CABLES1: variants seen among roughly 807,000 people sequenced by gnomAD.
The protein encoded by CABLES1 is Cdk5 and Abl enzyme substrate 1, also known as CDK5 and ABL1 enzyme substrate 1.
CABLES1 carries 36 observed loss-of-function variants against 57.8 expected under a neutral mutation model. The ratio of observed to expected loss-of-function variants is 0.62; its 90% CI spans 0.48 to 0.82. The LOEUF is 0.82. Among genes scored for constraint, CABLES1 ranks in the 40% least tolerant of loss-of-function variants. The pLI, the probability that CABLES1 is intolerant of heterozygous loss-of-function variation, is 0.00. For synonymous variants in CABLES1, 374 were observed against 363.0 expected, an observed-to-expected ratio of 1.03 and a Z score of -0.35; for missense variants, 767 against 836.6, an observed-to-expected ratio of 0.92 and a Z score of 1.03.
intron 1 of CABLES1, among the ~76,000 whole-genome samples, chr18:23,159,856 A>G (rs2046990885): frequency 6.6e-6 from 1 of 151,910 alleles, no homozygotes; most frequent in South Asian, 2.1e-4. Context: ...ATTTAGGTAG[A>G]GAAAATGATA....
Position 23,236,047 on chromosome 18 carries a change from C to T in CABLES1, c.1338C>T (p.Asp446=), listed in dbSNP as rs1440453254. The change falls in exon 6 of 10, where the codon GAC becomes GAT. Residue 446 remains aspartate (D), a synonymous_variant. Coordinates refer to ENST00000256925, the MANE Select transcript of CABLES1 (RefSeq NM_001100619.3). ...CAAGCGGCACCCAGGGGAGCCTCGA[C>T]ACAGGTAACCTTGGCCTGGCTGGGT... ...GRASGTQGSL[D]TGSDLGDFMD... 9.9e-6 allele frequency: 16 copies of T among 1,614,026 alleles called. No homozygotes were observed. Among genetic ancestry groups the T allele is most frequent in the Non-Finnish European group, 1.3e-5 (15 of 1,180,006 alleles).
chr18:23,155,953 G>A lies in CABLES1; in HGVS notation c.845+19346G>A, dbSNP rs765714653. ...CAAGAATATATGCTGATTTTCCCATGTAAGTTGTCAGAGGATCGCCTGGGT... is the reference window on the plus strand; with the variant it reads ...CAAGAATATATGCTGATTTTCCCATATAAGTTGTCAGAGGATCGCCTGGGT... On this transcript the variant is annotated intron_variant, in intron 1 of 9. Transcript: ENST00000256925. The A allele has an allele frequency of 3.7e-6, 6 of 1,614,080 alleles. No homozygotes were observed. The Admixed American group carries it at 6.7e-5, about 18-fold the overall frequency.
chr18:23,139,720 T>C (rs918671353), intron 1 of CABLES1, among the ~76,000 whole-genome samples: 7 of 152,164 alleles, frequency 4.6e-5, no homozygotes, highest in Non-Finnish European at 7.4e-5. Flanking sequence ...TCAGAGAGGT[T>C]GAGTAATTTC....
chr18:23,195,570 T>C (rs1418295175), intron 3 of CABLES1, among the ~76,000 whole-genome samples: 1 of 152,224 alleles, frequency 6.6e-6, no homozygotes, highest in Non-Finnish European at 1.5e-5. Context: ...TCTTGAAGTT[T>C]ATGCCTAGTT....
intron 1 of CABLES1, among the ~76,000 whole-genome samples, chr18:23,144,782 T>G (rs1256295704): frequency 6.6e-6 from 1 of 152,196 alleles, no homozygotes; most frequent in African/African-American, 2.4e-5. Context: ...GACTGAGGAA[T>G]CTGAGGTGGT....
chr18:23,234,319 A>G (rs1461392606), intron 4 of CABLES1, among the ~76,000 whole-genome samples: 1 of 152,230 alleles, frequency 6.6e-6, no homozygotes, highest in African/African-American at 2.4e-5. Context: ...CCTCATGTTC[A>G]TTGGCCGTCT....
At chr18:23,146,856 C>A (rs995621881) in intron 1 of CABLES1, among the ~76,000 whole-genome samples, 2 of 152,096 alleles carry the variant, frequency 1.3e-5, no homozygotes, top group Non-Finnish European at 2.9e-5. Context: ...TTAAGAAAAA[C>A]GTAAGAAAGA....
chr18:23,207,418 C>T (rs2047372145), intron 3 of CABLES1, among the ~76,000 whole-genome samples: 1 of 152,252 alleles, frequency 6.6e-6, no homozygotes, highest in Non-Finnish European at 1.5e-5. Flanking sequence ...GCCAGCATAT[C>T]TTCTCACTGT....
chr18:23,259,785 G>C lies in CABLES1; in HGVS notation c.*2418G>C, dbSNP rs2048252062. On this transcript the variant is annotated 3_prime_UTR_variant, in exon 10 of 10. Coordinates refer to ENST00000256925, the MANE Select transcript of CABLES1 (RefSeq NM_001100619.3). ...GAAGTCTGAGCCTGTGAAGCGAGAA[G>C]GCCAGGCAGTAGACTGGCTCTGAGG... is the stretch of plus-strand genomic sequence containing the variant. 6.6e-6 allele frequency: 1 copy of C among 152,278 alleles called. No homozygotes were observed. The highest frequency in any genetic ancestry group is 6.5e-5 in the Admixed American group (1 of 15,294). The allele number at this position is 152,278 out of a possible 1,614,324, so 9.4% of individuals were successfully genotyped here.
At chr18:23,242,542 GT>G (rs761608145) in intron 7 of CABLES1, among the ~76,000 whole-genome samples, 4 of 152,196 alleles carry the variant, frequency 2.6e-5, no homozygotes, top group East Asian at 3.9e-4. Flanking sequence ...GGGTTTTTGT[GT>G]TTTTTTCCCC....
At chr18:23,243,343 C>T (rs1364535640) in intron 7 of CABLES1, among the ~76,000 whole-genome samples, 4 of 152,074 alleles carry the variant, frequency 2.6e-5, no homozygotes, top group East Asian at 1.9e-4. Flanking sequence ...CGCCCTCAGG[C>T]GCACAGGCCT....
At chr18:23,185,045 AC>A in intron 1 of CABLES1, among the ~76,000 whole-genome samples, 1 of 152,318 alleles carries the variant, frequency 6.6e-6, no homozygotes, top group South Asian at 2.1e-4. Flanking sequence ...GTGTGAATTC[AC>A]ACCTGTTCAG....
intron 2 of CABLES1, among the ~76,000 whole-genome samples, chr18:23,190,976 G>T (rs918632351): frequency 6.6e-6 from 1 of 151,192 alleles, no homozygotes; most frequent in Non-Finnish European, 1.5e-5. Context: ...GGGCACGGTG[G>T]CTCACACCTG....
chr18:23,259,899 C>A lies in CABLES1; in HGVS notation c.*2532C>A, dbSNP rs936057296. The A allele has an allele frequency of 1.4e-4, 22 of 152,400 alleles. No individual in the cohort carries two copies. The highest frequency in any genetic ancestry group is 5.3e-4 in the African/African-American group (22 of 41,448). The allele number at this position is 152,400 out of a possible 1,614,324, so 9.4% of individuals were successfully genotyped here. On this transcript the variant is annotated 3_prime_UTR_variant, in exon 10 of 10. Transcript: ENST00000256925. Reference sequence around the variant, plus strand: ...AGGACTGCCCTGAGGCCTCTCCAGTCCTCCCCACACTCAGAGATCTGTGGG... The same window carrying A: ...AGGACTGCCCTGAGGCCTCTCCAGTACTCCCCACACTCAGAGATCTGTGGG...
intron 1 of CABLES1, among the ~76,000 whole-genome samples, chr18:23,159,655 A>G (rs2046989670): frequency 6.6e-6 from 1 of 152,238 alleles, no homozygotes; most frequent in African/African-American, 2.4e-5. Flanking sequence ...TTCCAGTCAG[A>G]TGATCCCAAC....
chr18:23,173,688 C>T (rs751256058), intron 1 of CABLES1, among the ~76,000 whole-genome samples: 56 of 152,232 alleles, frequency 3.7e-4, no homozygotes, highest in Admixed American at 6.5e-4. Flanking sequence ...TTTGGCTGGG[C>T]GCAGTGGCTC....
intron 3 of CABLES1, among the ~76,000 whole-genome samples, chr18:23,195,740 G>A (rs533592171): frequency 3.3e-5 from 5 of 152,156 alleles, no homozygotes; most frequent in African/African-American, 1.2e-4. Flanking sequence ...TTGTTAAATC[G>A]AATACTCTGA....
chr18:23,222,555 T>C (rs973932641), intron 4 of CABLES1, among the ~76,000 whole-genome samples: 1 of 148,182 alleles, frequency 6.7e-6, no homozygotes, highest in African/African-American at 2.5e-5. Flanking sequence ...TATATATCTA[T>C]ATATAGATAT....
chr18:23,172,363 T>G (rs1320327685), intron 1 of CABLES1, among the ~76,000 whole-genome samples: 1 of 152,136 alleles, frequency 6.6e-6, no homozygotes, highest in East Asian at 1.9e-4. Context: ...ACACTCTGTT[T>G]TAGATAAGAG....
Sources: allele counts gnomAD v4.1 joint callset (sites outside exome capture counted in the v4.1 genomes callset), GRCh38; gene constraint gnomAD v4.1.1; transcripts MANE v1.5; gene names NCBI Gene and HGNC (gene_info 2026-07-23, HGNC 2026-07-21).